Variants in CHD2 observed in about 807,000 individuals in gnomAD.
CHD2 encodes the protein ATP-dependent chromatin remodeler CHD2.
In CHD2, 28 loss-of-function variants were observed where a neutral mutation model predicts 243.9. That is an observed-to-expected ratio of 0.11 (90% CI 0.09 to 0.16). The LOEUF (loss-of-function observed/expected upper bound fraction) is 0.16. Ranked by LOEUF, CHD2 falls within the 10% of genes least tolerant of loss-of-function variation. The pLI is 1.00. For missense variants in CHD2, 1,386 were observed against 2,209.8 expected, an observed-to-expected ratio of 0.63 and a Z score of 7.47; for synonymous variants, 775 against 779.0, an observed-to-expected ratio of 0.99 and a Z score of 0.09.
At position 92,943,234 on chromosome 15, in the gene CHD2, A is replaced by C. The variant is rs564945224; in HGVS notation, c.1052+166A>C. The C allele has an allele frequency of 4.9e-6, 3 of 611,330 alleles. No homozygotes were observed. In the South Asian group the frequency reaches 6.1e-5, roughly 12 times the overall value. The allele number at this position is 611,330 out of a possible 1,614,324, so 37.9% of individuals were successfully genotyped here. ...TATTTTATAAGATTGTGACCTTCAG[A>C]TACTATATTTTTATATGTGGCTACC... On this transcript the variant is annotated intron_variant, in intron 9 of 38. Transcript: ENST00000394196.
chr15:92,997,547 A>T lies in CHD2; in HGVS notation c.3885+144A>T. On this transcript the variant is annotated intron_variant, in intron 30 of 38. Coordinates refer to ENST00000394196, the MANE Select transcript of CHD2 (RefSeq NM_001271.4). This position sits in a 1 kb window ranked among gnomAD's most constrained non-coding sequence, Gnocchi z 4.1. ...TCTTGGAAATACTTCCATCTTTAGC[A>T]GATTGTGGCACTGTTTCACGGATGA... 5.5e-6 allele frequency: 4 copies of T among 722,918 alleles called. No individual in the cohort carries two copies. The highest frequency in any genetic ancestry group is 8.3e-6 in the Non-Finnish European group (4 of 483,896). The allele number at this position is 722,918 out of a possible 1,614,324, so 44.8% of individuals were successfully genotyped here.
At chr15:92,944,675 TG>T (rs2053433807) in intron 10 of CHD2, 160 bp downstream of exon 10, 1 of 391,680 alleles carries the variant, frequency 2.6e-6, no homozygotes, top group African/African-American at 2.0e-5. Flanking sequence ...TAAATTTGGA[TG>T]TGGGGGATGA....
intron 2 of CHD2, 122 bp downstream of exon 2, chr15:92,901,421 T>C (rs2052527669): frequency 1.5e-6 from 1 of 686,996 alleles, no homozygotes. Context: ...CTAATTTGGA[T>C]TCGTTTTTTA....
intron 28 of CHD2, among the ~76,000 whole-genome samples, chr15:92,995,721 C>G (rs540642312): frequency 2.0e-5 from 3 of 152,230 alleles, no homozygotes; most frequent in South Asian, 4.1e-4. Context: ...GAATAATGAT[C>G]TAATGAATAT....
intron 13 of CHD2, chr15:92,949,379 T>G: frequency 2.7e-6 from 1 of 376,968 alleles, no homozygotes; most frequent in Non-Finnish European, 4.1e-6. Flanking sequence ...GCAAGTTAAG[T>G]CACTCAAATC....
chr15:92,920,936 C>G (rs1265504558), intron 2 of CHD2, among the ~76,000 whole-genome samples: 1 of 152,102 alleles, frequency 6.6e-6, no homozygotes, highest in Non-Finnish European at 1.5e-5. Context: ...TAGTATGGGA[C>G]AAGTGGAGGC....
rs1482527242 is a variant in CHD2 at position 93,027,327 on chromosome 15, A to T, written c.*2622A>T. On this transcript the variant is annotated 3_prime_UTR_variant, in exon 39 of 39. Coordinates refer to ENST00000394196, the MANE Select transcript of CHD2 (RefSeq NM_001271.4). ...TTGTTGGTAGAAATAACAGGTTGAG[A>T]AAGAGGGAGTTAGCATCACCTAAAA... The T allele has an allele frequency of 6.6e-6, 1 of 152,206 alleles. No homozygotes were observed. The highest frequency in any genetic ancestry group is 1.5e-5 in the Non-Finnish European group (1 of 68,044). 9.4% of individuals were successfully genotyped at this position (152,206 alleles called of 1,614,324 possible).
At chr15:92,968,764 T>C (rs1444176002) in intron 17 of CHD2, among the ~76,000 whole-genome samples, 1 of 152,254 alleles carries the variant, frequency 6.6e-6, no homozygotes, top group Non-Finnish European at 1.5e-5. Flanking sequence ...TTTGATATGA[T>C]TATGAACTCA....
At chr15:92,928,127 A>G (rs1261689883) in intron 4 of CHD2, among the ~76,000 whole-genome samples, 1 of 152,220 alleles carries the variant, frequency 6.6e-6, no homozygotes, top group Non-Finnish European at 1.5e-5. Flanking sequence ...CAGGTCAGTG[A>G]GTTGGGTGTG....
intron 16 of CHD2, among the ~76,000 whole-genome samples, chr15:92,960,733 A>C (rs1374864593): frequency 3.7e-5 from 1 of 27,282 alleles, no homozygotes; most frequent in Non-Finnish European, 9.7e-5. Context: ...TTTTTTTTTT[A>C]AGACAGAGTT....
chr15:92,944,812 A>T (rs2053435622), intron 10 of CHD2: 1 of 178,126 alleles, frequency 5.6e-6, no homozygotes, highest in African/African-American at 2.3e-5. Context: ...CCAAGAGCTT[A>T]GTTTGATATT....
intron 37 of CHD2, among the ~76,000 whole-genome samples, chr15:93,016,063 T>A (rs2054456336): frequency 6.6e-6 from 1 of 152,218 alleles, no homozygotes; most frequent in Admixed American, 6.6e-5. Context: ...ACTTACATAT[T>A]CATTGCAGCA....
At chr15:92,995,902 G>A (rs867916871) in intron 28 of CHD2, among the ~76,000 whole-genome samples, 19 of 152,270 alleles carry the variant, frequency 1.2e-4, no homozygotes, top group African/African-American at 4.3e-4. Context: ...ATTGTTAAAC[G>A]TTTGGAGTTT....
At chr15:92,935,175 A>G (rs954488130) in intron 5 of CHD2, among the ~76,000 whole-genome samples, 1 of 151,734 alleles carries the variant, frequency 6.6e-6, no homozygotes, top group Non-Finnish European at 1.5e-5. Flanking sequence ...AGCTGGGACT[A>G]CGGGCGCCCG....
intron 20 of CHD2, among the ~76,000 whole-genome samples, chr15:92,975,170 G>C (rs2053891052): frequency 6.6e-6 from 1 of 152,236 alleles, no homozygotes; most frequent in Non-Finnish European, 1.5e-5. Context: ...GTTGACAACA[G>C]AGTGGTTCTC....
intron 34 of CHD2, 101 bp downstream of exon 34, chr15:93,004,852 T>C (rs2054300172): frequency 2.4e-6 from 3 of 1,265,018 alleles, no homozygotes; most frequent in Non-Finnish European, 3.3e-6. Flanking sequence ...AGCTAAGCAA[T>C]AGTACATTAC....
chr15:92,958,455 T>C (rs1414002564), intron 16 of CHD2, among the ~76,000 whole-genome samples: 3 of 152,196 alleles, frequency 2.0e-5, no homozygotes, highest in Non-Finnish European at 4.4e-5. Flanking sequence ...GTTCCGTCAT[T>C]GGAACTCTAA....
intron 2 of CHD2, among the ~76,000 whole-genome samples, chr15:92,924,002 T>TA (rs757107698): frequency 3.3e-5 from 5 of 152,210 alleles, no homozygotes; most frequent in Non-Finnish European, 7.3e-5. Context: ...GTTAAATACT[T>TA]ATGAGCCTCA....
Position 92,967,386 on chromosome 15 carries a change from A to C in CHD2, c.2062A>C (p.Ser688Arg). ...HGKGRENGYQ[S>R]LHKVLEPFLL... is the part of the protein sequence containing the mutation. ...GAAGGGGAGAGAAAATGGCTACCAGAGTCTTCATAAGGTGCTAGAGCCTTT... is the reference window on the plus strand; with the variant it reads ...GAAGGGGAGAGAAAATGGCTACCAGCGTCTTCATAAGGTGCTAGAGCCTTT... The change falls in exon 17 of 39, where the codon AGT becomes CGT. Residue 688 changes from serine to arginine, a missense_variant. By Grantham distance (110) the Ser-to-Arg change is moderately radical. This residue lies in a region of CHD2 where 118 missense variants were observed against 266.3 expected (regional missense o/e 0.44). Coordinates refer to ENST00000394196, the MANE Select transcript of CHD2 (RefSeq NM_001271.4). The C allele has an allele frequency of 5.6e-6, 9 of 1,613,266 alleles. No individual in the cohort carries two copies. In the South Asian group the frequency reaches 9.9e-5, roughly 18 times the overall value.
Sources: gnomAD v4.1 joint callset for allele counts (sites outside exome capture counted in the v4.1 genomes callset) on GRCh38, gnomAD v4.1.1 for gene constraint, gnomAD v4.1.1 regional missense constraint, Gnocchi (gnomAD v3.1) non-coding constraint, MANE v1.5 for transcripts, NCBI Gene and HGNC (gene_info 2026-07-23, HGNC 2026-07-21) for gene names.